CLDN10: variants seen among roughly 807,000 people sequenced by gnomAD.
CLDN10 encodes claudin 10.
Under a neutral mutation model 22.9 loss-of-function variants are expected in CLDN10, and 15 were observed. The observed-to-expected ratio is 0.65, with a 90% CI of 0.44 to 1.01. The LOEUF (loss-of-function observed/expected upper bound fraction) is 1.01, where lower values mean the gene tolerates loss of function less well. Ranked by LOEUF, CLDN10 falls within the 50% of genes least tolerant of loss-of-function variation. The pLI, the probability that CLDN10 is intolerant of heterozygous loss-of-function variation, is 0.00. For synonymous variants in CLDN10, 114 were observed against 111.4 expected, an observed-to-expected ratio of 1.02 and a Z score of -0.15; for missense variants, 247 against 287.8, an observed-to-expected ratio of 0.86 and a Z score of 1.03.
At chr13:95,542,704 G>A (rs1403162033) in intron 1 of CLDN10, among the ~76,000 whole-genome samples, 2 of 152,120 alleles carry the variant, frequency 1.3e-5, no homozygotes, top group African/African-American at 2.4e-5. Flanking sequence ...CTACTCGGGG[G>A]GCTGAGGCAG....
At chr13:95,518,259 A>G (rs1301017744) in intron 1 of CLDN10, among the ~76,000 whole-genome samples, 1 of 152,156 alleles carries the variant, frequency 6.6e-6, no homozygotes, top group Non-Finnish European at 1.5e-5. Context: ...TTTTATTATC[A>G]TGTCCTCACA....
intron 1 of CLDN10, among the ~76,000 whole-genome samples, chr13:95,454,869 G>A (rs1340913698): frequency 6.6e-6 from 1 of 152,166 alleles, no homozygotes; most frequent in Non-Finnish European, 1.5e-5. Flanking sequence ...TCAAGTTTGA[G>A]TCACAAGCCT....
At chr13:95,541,730 G>A (rs2043462398) in intron 1 of CLDN10, among the ~76,000 whole-genome samples, 1 of 152,162 alleles carries the variant, frequency 6.6e-6, no homozygotes. Context: ...GTGACAGCTA[G>A]AATAGATGGC....
chr13:95,537,718 C>A (rs1223076289), intron 1 of CLDN10, among the ~76,000 whole-genome samples: 1 of 152,204 alleles, frequency 6.6e-6, no homozygotes, highest in African/African-American at 2.4e-5. Flanking sequence ...GCTTCTGTAA[C>A]TGGCTTGAAT....
chr13:95,521,273 A>G (rs1263552194), intron 1 of CLDN10, among the ~76,000 whole-genome samples: 1 of 152,218 alleles, frequency 6.6e-6, no homozygotes, highest in Non-Finnish European at 1.5e-5. Flanking sequence ...TTCAAAAGAA[A>G]AACTTTCAAT....
chr13:95,577,813 G>T, intron 4 of CLDN10, 87 bp from the exon 5 acceptor site: 1 of 739,890 alleles, frequency 1.4e-6, no homozygotes, highest in Non-Finnish European at 2.3e-6. Context: ...TTTAGATATT[G>T]GCAGAGACAG....
At chr13:95,443,053 A>C (rs1371202580) in intron 1 of CLDN10, among the ~76,000 whole-genome samples, 1 of 152,244 alleles carries the variant, frequency 6.6e-6, no homozygotes, top group Non-Finnish European at 1.5e-5. Context: ...GTTCTCCAGA[A>C]GACTGATACT....
At chr13:95,532,874 A>G (rs2043360199) in intron 1 of CLDN10, among the ~76,000 whole-genome samples, 1 of 151,566 alleles carries the variant, frequency 6.6e-6, no homozygotes, top group African/African-American at 2.4e-5. Context: ...ATACTGAAAG[A>G]AGCCTTATAC....
chr13:95,472,906 TG>T (rs1411077424), intron 1 of CLDN10, among the ~76,000 whole-genome samples: 2 of 151,820 alleles, frequency 1.3e-5, no homozygotes, highest in Non-Finnish European at 2.9e-5. Flanking sequence ...TTTGGGAGGC[TG>T]AGGCAGGATG....
chr13:95,475,170 C>T (rs1325919847), intron 1 of CLDN10, among the ~76,000 whole-genome samples: 3 of 150,882 alleles, frequency 2.0e-5, no homozygotes, highest in East Asian at 1.9e-4. Flanking sequence ...GAGGATCAGA[C>T]GGCAGCAGCT....
chr13:95,452,349 T>C (rs1241724662), intron 1 of CLDN10, among the ~76,000 whole-genome samples: 2 of 152,134 alleles, frequency 1.3e-5, no homozygotes, highest in Non-Finnish European at 2.9e-5. Context: ...CTGAGAAAAA[T>C]CATAATTTAT....
intron 1 of CLDN10, among the ~76,000 whole-genome samples, chr13:95,462,382 G>A (rs2042543843): frequency 6.6e-6 from 1 of 152,146 alleles, no homozygotes; most frequent in South Asian, 2.1e-4. Context: ...TGTAAGGAAA[G>A]TTATTTAAAT....
chr13:95,473,188 C>A (rs1229142608), intron 1 of CLDN10, among the ~76,000 whole-genome samples: 1 of 147,456 alleles, frequency 6.8e-6, no homozygotes, highest in African/African-American at 2.5e-5. Flanking sequence ...AAGGGTCTCT[C>A]TTTGGGCATT....
intron 3 of CLDN10, among the ~76,000 whole-genome samples, chr13:95,563,843 CA>C (rs1355758905): frequency 1.3e-5 from 2 of 152,330 alleles, no homozygotes; most frequent in Admixed American, 1.3e-4. Flanking sequence ...CGTTTATCAA[CA>C]CCTTCTAGTA....
chr13:95,449,739 A>ATTT (rs59868615), intron 1 of CLDN10, among the ~76,000 whole-genome samples: 6,094 of 132,330 alleles, frequency 0.046, 253 homozygotes, highest in South Asian at 0.14. Context: ...TAATTTTTAA[A>ATTT]TTTTTTTTTT....
chr13:95,555,396 CT>C (rs1395861676), intron 1 of CLDN10, among the ~76,000 whole-genome samples: 2 of 152,176 alleles, frequency 1.3e-5, no homozygotes, highest in Admixed American at 6.5e-5. Context: ...GTCAAAATCA[CT>C]GGTTATAAAA....
At chr13:95,562,124 G>C (rs542547049) in intron 3 of CLDN10, among the ~76,000 whole-genome samples, 8 of 150,208 alleles carry the variant, frequency 5.3e-5, no homozygotes, top group African/African-American at 1.7e-4. Flanking sequence ...TAGGGACAGG[G>C]CTTCACCATT....
chr13:95,551,190 G>A (rs964867081), upstream of CLDN10, among the ~76,000 whole-genome samples: 3 of 152,148 alleles, frequency 2.0e-5, no homozygotes, highest in Non-Finnish European at 4.4e-5. Flanking sequence ...GACTTACTTC[G>A]TGTTCTCAGA....
chr13:95,558,544 T>G (rs932051345), intron 1 of CLDN10, among the ~76,000 whole-genome samples: 20 of 152,226 alleles, frequency 1.3e-4, no homozygotes, highest in Non-Finnish European at 1.9e-4. Context: ...CTAAAGTGTT[T>G]ACAATTAAGT....
Sources: allele counts gnomAD v4.1 joint callset (sites outside exome capture counted in the v4.1 genomes callset), GRCh38; gene constraint gnomAD v4.1.1; transcripts MANE v1.5; gene names NCBI Gene and HGNC (gene_info 2026-07-23, HGNC 2026-07-21).